The following TRPM6 variants were observed in gnomAD, a reference collection of about 807,000 sequenced individuals.
The protein encoded by TRPM6 is channel kinase 2.
A neutral mutation model predicts 247.6 loss-of-function variants in TRPM6; 111 were observed. The observed-to-expected ratio is 0.45, with a 90% CI of 0.38 to 0.52. The LOEUF is 0.52. Ranked by LOEUF, TRPM6 falls within the 20% of genes least tolerant of loss-of-function variation. The pLI is 0.00. For missense variants in TRPM6, 2,126 were observed against 2,421.5 expected (o/e 0.88, Z 2.56); for synonymous variants, 892 against 853.8 (o/e 1.04, Z -0.78).
chr9:74,774,160 C>A (rs1827137600), intron 24 of TRPM6, among the ~76,000 whole-genome samples: 2 of 152,154 alleles, frequency 1.3e-5, no homozygotes, highest in Admixed American at 6.5e-5. Flanking sequence ...CAACAATGTT[C>A]CACAAAGCTC....
At chr9:74,768,677 T>C (rs1826909968) in intron 25 of TRPM6, among the ~76,000 whole-genome samples, 1 of 152,220 alleles carries the variant, frequency 6.6e-6, no homozygotes, top group Non-Finnish European at 1.5e-5. Flanking sequence ...CTAAATGTCA[T>C]ATTCACCCCT....
intron 25 of TRPM6, 36 bp downstream of exon 25, chr9:74,771,667 A>G (rs1827046855): frequency 6.2e-7 from 1 of 1,605,934 alleles, no homozygotes; most frequent in Non-Finnish European, 8.5e-7. Context: ...ACGTTGTGTT[A>G]GTGGTTTCAG....
At chr9:74,769,842 T>G (rs746054331) in intron 25 of TRPM6, among the ~76,000 whole-genome samples, 4 of 148,054 alleles carry the variant, frequency 2.7e-5, no homozygotes, top group Non-Finnish European at 4.5e-5. Flanking sequence ...AATTTGCCTG[T>G]GTCCATATAA....
intron 6 of TRPM6, among the ~76,000 whole-genome samples, chr9:74,829,411 G>A (rs1366714626): frequency 1.3e-5 from 2 of 152,132 alleles, no homozygotes; most frequent in Admixed American, 6.5e-5. Context: ...GCTCCACTTC[G>A]TATTTGCTTT....
intron 2 of TRPM6, chr9:74,857,895 A>G (rs1342485591): frequency 6.6e-6 from 1 of 152,218 alleles, no homozygotes; most frequent in African/African-American, 2.4e-5. Flanking sequence ...GGGATAAGAA[A>G]CATTCACAAT....
Position 74,762,384 on chromosome 9 carries a change from G to A in TRPM6, c.4287C>T (p.Cys1429=). 1 of 1,614,224 alleles carries A rather than the reference G, an allele frequency of 6.2e-7. No individual in the cohort carries two copies. The highest frequency in any genetic ancestry group is 8.5e-7 in the Non-Finnish European group (1 of 1,180,040). The change falls in exon 26 of 39, where the codon TGC becomes TGT. Residue 1429 remains cysteine (C), a synonymous_variant. Coordinates refer to ENST00000360774, the MANE Select transcript of TRPM6 (RefSeq NM_017662.5). The stretch of plus-strand genomic sequence containing the variant: ...AGCTCATTGTCATGGGTTCAGGTGT[G>A]CAACTCAAAGTGGGTAGCACTTGCT... ...KAEQVLPTLS[C]TPEPMTMSSP... is the part of the protein sequence containing the mutation.
At chr9:74,742,524 C>G in intron 33 of TRPM6, 37 bp downstream of exon 33, 1 of 1,583,184 alleles carries the variant, frequency 6.3e-7, no homozygotes. Flanking sequence ...ATGCCTCTGT[C>G]CTGGCATAAA....
At chr9:74,807,033 G>A (rs1828548309) in intron 14 of TRPM6, among the ~76,000 whole-genome samples, 1 of 152,216 alleles carries the variant, frequency 6.6e-6, no homozygotes, top group Non-Finnish European at 1.5e-5. Flanking sequence ...CTGTTTAAAT[G>A]AAGTAGCTGA....
intron 27 of TRPM6, among the ~76,000 whole-genome samples, chr9:74,757,131 T>C (rs1488240680): frequency 2.0e-5 from 3 of 149,778 alleles, no homozygotes; most frequent in African/African-American, 7.4e-5. Flanking sequence ...TGAGCCAACA[T>C]GGTGCCACTG....
chr9:74,840,826 CT>C (rs1829913026), intron 4 of TRPM6, among the ~76,000 whole-genome samples: 1 of 109,326 alleles, frequency 9.1e-6, no homozygotes, highest in African/African-American at 4.4e-5. Flanking sequence ...AGGACTCTGT[CT>C]CAAAAAAAAA....
chr9:74,816,485 A>C (rs1213258866), intron 11 of TRPM6, among the ~76,000 whole-genome samples, 184 bp downstream of exon 11: 5 of 151,454 alleles, frequency 3.3e-5, no homozygotes, highest in Admixed American at 1.3e-4. Flanking sequence ...AAAAAAAAAA[A>C]AAAACAGATG....
intron 25 of TRPM6, among the ~76,000 whole-genome samples, chr9:74,768,408 A>C (rs1826902057): frequency 6.6e-6 from 1 of 152,170 alleles, no homozygotes; most frequent in Admixed American, 6.5e-5. Flanking sequence ...GAGCTCCTCC[A>C]CCAGTTCAAA....
At chr9:74,840,324 G>T in intron 4 of TRPM6, 87 bp from the exon 5 acceptor site, 1 of 859,256 alleles carries the variant, frequency 1.2e-6, no homozygotes, top group Non-Finnish European at 1.9e-6. Flanking sequence ...CAGGGCAACT[G>T]AAATGGCCAA....
Position 74,839,892 on chromosome 9 carries a change from AGGAG to A in TRPM6, c.544+128_544+131del, listed in dbSNP as rs1224406992. ...AAGGAAGGAAGGAAGGAAGGAAGGA[AGGAG>A]GGAGGGAGGGAGGGAGGGAGGGAAA... On this transcript the variant is annotated intron_variant, in intron 5 of 38. Transcript: ENST00000360774. 4.8e-3 allele frequency: 1,008 copies of A among 210,338 alleles called. 15 individuals carry two copies. The highest frequency in any genetic ancestry group is 0.022 in the South Asian group (424 of 19,642). 13.0% of individuals were successfully genotyped at this position (210,338 alleles called of 1,614,324 possible). A position where few individuals can be genotyped will look rare whatever the true frequency, so the allele number is the denominator to read the frequency against.
intron 29 of TRPM6, among the ~76,000 whole-genome samples, chr9:74,751,499 T>C (rs538607907): frequency 6.6e-6 from 1 of 152,330 alleles, no homozygotes; most frequent in Non-Finnish European, 1.5e-5. Flanking sequence ...CCTACAAGAA[T>C]ATCTGAGGTT....
intron 3 of TRPM6, among the ~76,000 whole-genome samples, chr9:74,853,995 A>T (rs964378696): frequency 5.3e-5 from 8 of 152,236 alleles, no homozygotes; most frequent in African/African-American, 1.7e-4. Flanking sequence ...TATAATAATG[A>T]AACAGAGTGG....
At chr9:74,813,542 CAAGAG>C (rs1045452838) in intron 11 of TRPM6, among the ~76,000 whole-genome samples, 1 of 152,132 alleles carries the variant, frequency 6.6e-6, no homozygotes, top group Non-Finnish European at 1.5e-5. Flanking sequence ...GTCACCAATA[CAAGAG>C]AAAAGACATG....
At chr9:74,741,901 T>A (rs887690267) in intron 33 of TRPM6, among the ~76,000 whole-genome samples, 14 of 143,818 alleles carry the variant, frequency 9.7e-5, no homozygotes, top group East Asian at 2.0e-4. Context: ...AAAAAAAAAA[T>A]AAAAATAAAA....
In TRPM6 at chr9:74,821,753, T is replaced by A; in HGVS notation, c.926A>T (p.Asp309Val). 1 of 1,614,186 alleles carries A rather than the reference T, an allele frequency of 6.2e-7. No homozygotes were observed. Among genetic ancestry groups the A allele is most frequent in the South Asian group, 1.1e-5 (1 of 91,080 alleles). The change falls in exon 8 of 39, where the codon GAC becomes GTC. Residue 309 changes from aspartate to valine, a missense_variant. Physicochemically the swap from Asp to Val is radical, Grantham distance 152. Around this residue, in one of 3 missense-constraint regions of TRPM6, gnomAD observed 1,082 missense variants for 1,307.9 expected, o/e 0.83. Transcript: ENST00000360774. ...CTCACACACCACCACTGGGTCCTTG[T>A]CCTTGACAGTCTCCCACACTGACAG... ...VILSVWETVK[D>V]KDPVVVCEGT...
Sources: gnomAD v4.1 joint callset for allele counts (sites outside exome capture counted in the v4.1 genomes callset) on GRCh38, gnomAD v4.1.1 for gene constraint, gnomAD v4.1.1 regional missense constraint, MANE v1.5 for transcripts, NCBI Gene and HGNC (gene_info 2026-07-23, HGNC 2026-07-21) for gene names.